The following SPOCK1 variants were observed in gnomAD, a reference collection of about 807,000 sequenced individuals.
SPOCK1 encodes the protein testican-1.
A neutral mutation model predicts 55.3 loss-of-function variants in SPOCK1; 23 were observed. That is an observed-to-expected ratio of 0.42 (90% CI 0.30 to 0.59). The LOEUF is 0.59. Ranked by LOEUF, SPOCK1 falls within the 20% of genes least tolerant of loss-of-function variation. SPOCK1 has a pLI of 0.22. For missense variants in SPOCK1, 499 were observed against 552.5 expected, an observed-to-expected ratio of 0.90 and a Z score of 0.97; for synonymous variants, 226 against 221.0, an observed-to-expected ratio of 1.02 and a Z score of -0.20.
At chr5:137,346,754 ACT>A in intron 2 of SPOCK1, among the ~76,000 whole-genome samples, 1 of 152,314 alleles carries the variant, frequency 6.6e-6, no homozygotes, top group East Asian at 1.9e-4. Context: ...TCCTGATAGC[ACT>A]GTGTGCCAGG....
chr5:137,350,832 C>T (rs113984634), intron 2 of SPOCK1, among the ~76,000 whole-genome samples: 5 of 151,484 alleles, frequency 3.3e-5, no homozygotes, highest in Non-Finnish European at 7.4e-5. Flanking sequence ...CGCACGTGTG[C>T]GTGTGTGTGT....
intron 2 of SPOCK1, among the ~76,000 whole-genome samples, chr5:137,281,073 A>G (rs563088771): frequency 6.6e-6 from 1 of 152,206 alleles, no homozygotes; most frequent in Non-Finnish European, 1.5e-5. Context: ...CTACTTTTCA[A>G]TTAAAAAAAA....
chr5:137,332,993 A>T (rs553587113), intron 2 of SPOCK1, among the ~76,000 whole-genome samples: 1 of 152,230 alleles, frequency 6.6e-6, no homozygotes, highest in Non-Finnish European at 1.5e-5. Context: ...AGATGTCAAA[A>T]GCCAGAGCAG....
intron 2 of SPOCK1, among the ~76,000 whole-genome samples, chr5:137,324,643 G>T (rs1229642115): frequency 6.6e-6 from 1 of 152,126 alleles, no homozygotes; most frequent in Non-Finnish European, 1.5e-5. Context: ...AAATGGAGCT[G>T]CTATTCAATG....
At chr5:137,478,465 A>T (rs1753881134) in intron 2 of SPOCK1, among the ~76,000 whole-genome samples, 1 of 152,188 alleles carries the variant, frequency 6.6e-6, no homozygotes, top group South Asian at 2.1e-4. Context: ...CATGTCAGAG[A>T]CATTCAGATT....
rs114329896 is a variant in SPOCK1 at position 137,109,157 on chromosome 5, A to G, written c.474+3278T>C. On this transcript the variant is annotated intron_variant, in intron 5 of 10. Coordinates refer to ENST00000394945, the MANE Select transcript of SPOCK1 (RefSeq NM_004598.4). ...ACAGTCCTGAGTACTCAGACATCTC[A>G]TGGCTCATCTCCAGTCTCAGGCTGA... is the stretch of plus-strand genomic sequence containing the variant. Among the ~76,000 whole-genome samples, 956 of 152,246 alleles carry G rather than the reference A, an allele frequency of 6.3e-3. 13 individuals are homozygous for G. Among genetic ancestry groups the G allele is most frequent in the African/African-American group, 0.021 (885 of 41,544 alleles).
intron 3 of SPOCK1, among the ~76,000 whole-genome samples, chr5:137,223,130 G>A (rs1054368191): frequency 3.2e-4 from 48 of 152,118 alleles, no homozygotes; most frequent in Admixed American, 2.6e-4. Flanking sequence ...GCAGGGAAAG[G>A]AGATAACAAC....
At chr5:137,438,083 G>A (rs1752902621) in intron 2 of SPOCK1, among the ~76,000 whole-genome samples, 1 of 152,134 alleles carries the variant, frequency 6.6e-6, no homozygotes, top group South Asian at 2.1e-4. Context: ...TTTAGCATAT[G>A]TCAGAATTTC....
At chr5:137,092,262 C>T in intron 5 of SPOCK1, among the ~76,000 whole-genome samples, 1 of 152,140 alleles carries the variant, frequency 6.6e-6, no homozygotes, top group Admixed American at 6.5e-5. Context: ...ATGGCAAATG[C>T]TAAGAAAAAA....
At chr5:137,474,604 A>G (rs1427384663) in intron 2 of SPOCK1, among the ~76,000 whole-genome samples, 2 of 152,204 alleles carry the variant, frequency 1.3e-5, no homozygotes, top group Non-Finnish European at 2.9e-5. Flanking sequence ...TGATTCCAGG[A>G]CTGGGGAAAT....
At chr5:137,010,058 C>T (rs13159316) in intron 6 of SPOCK1, among the ~76,000 whole-genome samples, 15,805 of 152,120 alleles carry the variant, frequency 0.1, 966 homozygotes, top group Middle Eastern at 0.16. Context: ...GTCTACCTCC[C>T]CCTCCTTGGG....
At chr5:137,487,333 C>CAA (rs11330611) in intron 2 of SPOCK1, among the ~76,000 whole-genome samples, 344 of 53,186 alleles carry the variant, frequency 6.5e-3, no homozygotes, top group African/African-American at 0.019. Flanking sequence ...TCTGATCTTT[C>CAA]AAAAAAAAAA....
chr5:137,141,092 G>C (rs1273455846), intron 3 of SPOCK1, among the ~76,000 whole-genome samples: 2 of 152,134 alleles, frequency 1.3e-5, no homozygotes, highest in Non-Finnish European at 2.9e-5. Flanking sequence ...TAAACAGATA[G>C]GAAGTAAACC....
At chr5:137,370,233 CA>C (rs1316317852) in intron 2 of SPOCK1, among the ~76,000 whole-genome samples, 2 of 152,112 alleles carry the variant, frequency 1.3e-5, no homozygotes, top group East Asian at 3.9e-4. Flanking sequence ...TTTTTCCCTC[CA>C]GGGGTATGAA....
intron 2 of SPOCK1, among the ~76,000 whole-genome samples, chr5:137,431,049 G>T (rs964431258): frequency 9.9e-5 from 15 of 152,152 alleles, no homozygotes; most frequent in East Asian, 1.9e-4. Flanking sequence ...TGTAATGTTT[G>T]GGGCTGTAAC....
At chr5:137,386,650 A>C (rs1178085067) in intron 2 of SPOCK1, among the ~76,000 whole-genome samples, 2 of 152,214 alleles carry the variant, frequency 1.3e-5, no homozygotes, top group Non-Finnish European at 2.9e-5. Context: ...CCTTTAAAAA[A>C]ATTAACTCAA....
At chr5:137,042,687 A>G (rs10043835) in intron 6 of SPOCK1, among the ~76,000 whole-genome samples, 131,183 of 152,096 alleles carry the variant, frequency 0.86, 57,124 homozygotes, top group South Asian at 0.94. Context: ...GTAAATGGAT[A>G]GTGGATGGTG....
At chr5:137,347,739 TCAAA>T (rs925585116) in intron 2 of SPOCK1, among the ~76,000 whole-genome samples, 62 of 150,826 alleles carry the variant, frequency 4.1e-4, no homozygotes, top group African/African-American at 1.1e-3. Flanking sequence ...AAAAAACAAA[TCAAA>T]CAAACAAACA....
chr5:137,058,149 T>C (rs1752334476), intron 6 of SPOCK1, among the ~76,000 whole-genome samples: 1 of 151,738 alleles, frequency 6.6e-6, no homozygotes, highest in South Asian at 2.1e-4. Flanking sequence ...TGTGGAAGAG[T>C]GGGGTGTGCA....
Sources: gnomAD v4.1 joint callset for allele counts (sites outside exome capture counted in the v4.1 genomes callset) on GRCh38, gnomAD v4.1.1 for gene constraint, MANE v1.5 for transcripts, NCBI Gene and HGNC (gene_info 2026-07-23, HGNC 2026-07-21) for gene names.